Variants in MACROD2 observed in about 807,000 individuals in gnomAD.
MACROD2 encodes the protein ADP-ribose glycohydrolase MACROD2.
MACROD2 carries 36 observed loss-of-function variants against 70.4 expected under a neutral mutation model. The observed-to-expected ratio is 0.51, with a 90% confidence interval of 0.39 to 0.68. The LOEUF (loss-of-function observed/expected upper bound fraction) is 0.68, where lower values mean the gene tolerates loss of function less well. MACROD2 is among the 30% of genes least tolerant of loss of function. The pLI is 0.00. For synonymous variants in MACROD2, 172 were observed against 178.8 expected (o/e 0.96, Z 0.30); for missense variants, 496 against 538.4 (o/e 0.92, Z 0.78).
chr20:15,109,769 G>C (rs1340088526), intron 5 of MACROD2, among the ~76,000 whole-genome samples: 1 of 152,126 alleles, frequency 6.6e-6, no homozygotes, highest in Admixed American at 6.6e-5. Flanking sequence ...CCTACTTGGA[G>C]GGGAAAAATC....
intron 6 of MACROD2, among the ~76,000 whole-genome samples, chr20:15,337,665 A>G (rs1448028701): frequency 6.6e-6 from 1 of 151,706 alleles, no homozygotes; most frequent in East Asian, 1.9e-4. Context: ...ACATATTGTT[A>G]GTAACTATAG....
intron 4 of MACROD2, among the ~76,000 whole-genome samples, chr20:14,595,855 T>G (rs1166836056): frequency 6.6e-6 from 1 of 152,142 alleles, no homozygotes; most frequent in Non-Finnish European, 1.5e-5. Flanking sequence ...AATTAAATAA[T>G]TGAATTCTAT....
At chr20:15,574,713 T>A (rs6135445) in intron 8 of MACROD2, among the ~76,000 whole-genome samples, 72,049 of 151,970 alleles carry the variant, frequency 0.47, 20,786 homozygotes, top group Non-Finnish European at 0.65. Context: ...CGTACTTTCC[T>A]TGTATTGAGG....
chr20:14,604,309 A>C (rs1003103426), intron 4 of MACROD2, among the ~76,000 whole-genome samples: 2 of 152,188 alleles, frequency 1.3e-5, no homozygotes, highest in Non-Finnish European at 2.9e-5. Flanking sequence ...ATTGCTTCCA[A>C]CTGTCACACA....
chr20:15,748,623 T>A (rs1230027484), intron 8 of MACROD2, among the ~76,000 whole-genome samples: 1 of 152,132 alleles, frequency 6.6e-6, no homozygotes, highest in Non-Finnish European at 1.5e-5. Flanking sequence ...TAGCTCTGAA[T>A]TGAAACCCAT....
rs573200087 is a variant in MACROD2, at chr20:15,646,656, C to A, written c.645+146809C>A. On this transcript the variant is annotated intron_variant, in intron 8 of 17. Coordinates refer to ENST00000684519, the MANE Select transcript of MACROD2 (RefSeq NM_001351661.2). ...GGTGGAGGTAATTGGATCATGGGGGCAGTTCCCCCATGCTTTTATGATAGT... is the reference window on the plus strand; with the variant it reads ...GGTGGAGGTAATTGGATCATGGGGGAAGTTCCCCCATGCTTTTATGATAGT... Among the ~76,000 whole-genome samples the A allele has an allele frequency of 3.9e-5, 6 of 152,246 alleles. No homozygotes were observed. The East Asian group carries it at 1.2e-3, about 29-fold the overall frequency.
At chr20:15,454,436 C>T (rs1007862828) in intron 7 of MACROD2, among the ~76,000 whole-genome samples, 12 of 148,658 alleles carry the variant, frequency 8.1e-5, no homozygotes, top group Non-Finnish European at 1.8e-4. Flanking sequence ...CACACACACA[C>T]ACACACACAC....
chr20:15,056,133 C>A (rs1010305552), intron 5 of MACROD2, among the ~76,000 whole-genome samples: 1 of 152,098 alleles, frequency 6.6e-6, no homozygotes, highest in African/African-American at 2.4e-5. Flanking sequence ...AGACAGCACC[C>A]GACCCCCTCC....
At chr20:15,574,614 T>G (rs1245305337) in intron 8 of MACROD2, among the ~76,000 whole-genome samples, 1 of 152,176 alleles carries the variant, frequency 6.6e-6, no homozygotes, top group African/African-American at 2.4e-5. Context: ...TTCTATCATT[T>G]CAGCCTCAGG....
intron 2 of MACROD2, among the ~76,000 whole-genome samples, chr20:14,077,044 G>T (rs1314197664): frequency 6.6e-6 from 1 of 152,120 alleles, no homozygotes; most frequent in African/African-American, 2.4e-5. Context: ...TGCATATGTT[G>T]TAGAAATCGT....
rs1600634403 is a variant in MACROD2 at position 14,759,215 on chromosome 20, A to G, written c.418+74256A>G. Among the ~76,000 whole-genome samples the G allele has an allele frequency of 2.6e-5, 4 of 152,220 alleles. 1 individual carries two copies. Among genetic ancestry groups the G allele is most frequent in the Admixed American group, 2.6e-4 (4 of 15,292 alleles). ...GCCATTAGACGTATCAAAACTAGACATTGGGAAGGTCTTACACTCTTCATA... is the reference window on the plus strand; with the variant it reads ...GCCATTAGACGTATCAAAACTAGACGTTGGGAAGGTCTTACACTCTTCATA... On this transcript the variant is annotated intron_variant, in intron 5 of 17. Transcript: ENST00000684519.
intron 4 of MACROD2, among the ~76,000 whole-genome samples, chr20:14,514,091 T>C (rs1176383723): frequency 6.6e-6 from 1 of 152,118 alleles, no homozygotes; most frequent in African/African-American, 2.4e-5. Flanking sequence ...CTTGCTCTTC[T>C]GTCACTTTCT....
chr20:14,045,145 G>C (rs924637202), intron 2 of MACROD2, among the ~76,000 whole-genome samples: 1 of 152,224 alleles, frequency 6.6e-6, no homozygotes, highest in South Asian at 2.1e-4. Flanking sequence ...ACGTAGCCCC[G>C]GTTCCCGCCT....
chr20:15,839,969 A>G (rs2064153771), intron 8 of MACROD2, among the ~76,000 whole-genome samples: 1 of 152,208 alleles, frequency 6.6e-6, no homozygotes. Context: ...GGCTCCTAGA[A>G]TTGTAGCACA....
At chr20:15,476,370 T>C (rs545154863) in intron 7 of MACROD2, among the ~76,000 whole-genome samples, 1 of 152,312 alleles carries the variant, frequency 6.6e-6, no homozygotes, top group East Asian at 1.9e-4. Flanking sequence ...ATAAGGAGAA[T>C]GAGGTATTCC....
intron 15 of MACROD2, among the ~76,000 whole-genome samples, chr20:16,011,779 T>A (rs2066866619): frequency 6.6e-6 from 1 of 152,228 alleles, no homozygotes; most frequent in Non-Finnish European, 1.5e-5. Flanking sequence ...GGGAGCTGCC[T>A]GTCAGGGGCT....
At chr20:14,842,929 G>T (rs919401443) in intron 5 of MACROD2, among the ~76,000 whole-genome samples, 10 of 151,996 alleles carry the variant, frequency 6.6e-5, no homozygotes, top group African/African-American at 2.2e-4. Context: ...TTCAGAGGGT[G>T]CACTTTCATA....
At position 14,600,343 on chromosome 20, in the gene MACROD2, T is replaced by TATATATATATATATATATATATACAC. The variant is rs1320891260; in HGVS notation, c.302-84499_302-84498insTATATATATATATATATATATACACA. ...ATGCAGCTACATATATATATATATA[T>TATATATATATATATATATATATACAC]ACACACACACACACACACACACAAA... On this transcript the variant is annotated intron_variant, in intron 4 of 17. Coordinates refer to ENST00000684519, the MANE Select transcript of MACROD2 (RefSeq NM_001351661.2). Among the ~76,000 whole-genome samples, 172 of 130,120 alleles carry TATATATATATATATATATATATACAC rather than the reference T, an allele frequency of 1.3e-3. 1 individual carries two copies. The highest frequency in any genetic ancestry group is 5.2e-3 in the African/African-American group (164 of 31,704). 85.4% of individuals were successfully genotyped at this position (130,120 alleles called of 152,430 possible).
intron 8 of MACROD2, among the ~76,000 whole-genome samples, chr20:15,683,146 C>T (rs6034258): frequency 0.29 from 44,470 of 152,086 alleles, 7,839 homozygotes; most frequent in African/African-American, 0.5. Flanking sequence ...TAGAATATTA[C>T]GAATAAATGA....
Sources: gnomAD v4.1 joint callset for allele counts (sites outside exome capture counted in the v4.1 genomes callset) on GRCh38, gnomAD v4.1.1 for gene constraint, MANE v1.5 for transcripts, NCBI Gene and HGNC (gene_info 2026-07-23, HGNC 2026-07-21) for gene names.